Variants in ANKRD30BL observed in about 807,000 individuals in gnomAD.
ANKRD30BL encodes the protein putative ankyrin repeat domain-containing protein 30B-like.
Under a neutral mutation model 18.4 loss-of-function variants are expected in ANKRD30BL, and 20 were observed. The ratio of observed to expected loss-of-function variants is 1.09; its 90% CI spans 0.77 to 1.58. ANKRD30BL has a LOEUF of 1.58. ANKRD30BL is among the 40% of genes most tolerant of loss of function. The pLI is 0.00. For missense variants in ANKRD30BL, 224 were observed against 268.6 expected (o/e 0.83, Z 1.16); for synonymous variants, 72 against 100.9 (o/e 0.71, Z 1.72).
intron 1 of ANKRD30BL, among the ~76,000 whole-genome samples, chr2:132,240,736 A>G (rs1033937187): frequency 2.6e-4 from 39 of 151,502 alleles, no homozygotes; most frequent in African/African-American, 8.9e-4. Flanking sequence ...AGAGTTGAAC[A>G]TTACCTTTCA....
chr2:132,173,114 A>T (rs1194253696), intron 1 of ANKRD30BL, among the ~76,000 whole-genome samples: 10 of 152,102 alleles, frequency 6.6e-5, no homozygotes, highest in Admixed American at 6.5e-4. Context: ...TGCTAAATCT[A>T]ACATAAAGAA....
intron 1 of ANKRD30BL, among the ~76,000 whole-genome samples, chr2:132,211,522 G>C (rs986314091): frequency 4.6e-5 from 7 of 151,984 alleles, no homozygotes; most frequent in African/African-American, 7.2e-5. Context: ...TCTGCAAAAG[G>C]ATATTTGGAG....
At chr2:132,164,269 C>CTTTTTTTTTT (rs796313755), upstream of ANKRD30BL, among the ~76,000 whole-genome samples, 9 of 112,208 alleles carry the variant, frequency 8.0e-5, no homozygotes, top group East Asian at 8.0e-4. Flanking sequence ...TTTTCTTTTT[C>CTTTTTTTTTT]TTTTTTTTTT....
Position 132,196,414 on chromosome 2 carries a change from C to T in ANKRD30BL, n.442-39268G>A, listed in dbSNP as rs1678970684. Among the ~76,000 whole-genome samples the T allele has an allele frequency of 2.0e-5, 3 of 151,908 alleles. No homozygotes were observed. The South Asian group carries it at 6.2e-4, about 32-fold the overall frequency. On this transcript the variant is annotated intron_variant and non_coding_transcript_variant, in intron 1 of 4. Coordinates refer to the ANKRD30BL transcript ENST00000470729. Reference sequence around the variant, plus strand: ...GCAGTGAGCAGAGATCACGCCATTGCACTCTGACCGGGGCAACAGAGTAAG... The same window carrying T: ...GCAGTGAGCAGAGATCACGCCATTGTACTCTGACCGGGGCAACAGAGTAAG...
chr2:132,162,134 T>C (rs13409905), upstream of ANKRD30BL, among the ~76,000 whole-genome samples: 55,680 of 150,704 alleles, frequency 0.37, 11,026 homozygotes, highest in African/African-American at 0.51. Flanking sequence ...TTGACAGAGC[T>C]GCCCCTGTCC....
At chr2:132,194,137 C>T (rs186781169) in intron 1 of ANKRD30BL, among the ~76,000 whole-genome samples, 27 of 152,228 alleles carry the variant, frequency 1.8e-4, no homozygotes, top group East Asian at 1.2e-3. Context: ...CCCCCTCACA[C>T]GACTGGGCAT....
At chr2:132,229,085 A>T (rs1452800259) in intron 1 of ANKRD30BL, among the ~76,000 whole-genome samples, 1 of 152,064 alleles carries the variant, frequency 6.6e-6, no homozygotes, top group Non-Finnish European at 1.5e-5. Flanking sequence ...AAGGGCGTTC[A>T]GGCCTATGGT....
intron 1 of ANKRD30BL, among the ~76,000 whole-genome samples, chr2:132,212,475 A>G (rs1679381619): frequency 6.6e-6 from 1 of 151,918 alleles, no homozygotes; most frequent in South Asian, 2.1e-4. Context: ...ATTTCTTCAC[A>G]TAAAAACTGT....
intron 1 of ANKRD30BL, among the ~76,000 whole-genome samples, chr2:132,216,984 C>G (rs1303324957): frequency 6.6e-6 from 1 of 152,226 alleles, no homozygotes; most frequent in Admixed American, 6.6e-5. Flanking sequence ...ATTCAACTCA[C>G]AGAGTTGAAC....
At chr2:132,212,053 C>A (rs1201120436) in intron 1 of ANKRD30BL, among the ~76,000 whole-genome samples, 1 of 150,156 alleles carries the variant, frequency 6.7e-6, no homozygotes, top group African/African-American at 2.4e-5. Context: ...TAACGCTTGG[C>A]AGCCTATGGT....
At chr2:132,256,977 C>T (rs1416760616) in intron 1 of ANKRD30BL, 3 of 513,048 alleles carry the variant, frequency 5.8e-6, no homozygotes, top group African/African-American at 5.8e-5. Flanking sequence ...AAACCTCAGG[C>T]ACGGCCGGGC....
chr2:132,217,326 C>G (rs796705095), intron 1 of ANKRD30BL, among the ~76,000 whole-genome samples: 6 of 152,054 alleles, frequency 3.9e-5, no homozygotes, highest in African/African-American at 1.4e-4. Context: ...ATTCACCTCA[C>G]AGAATTGAAC....
chr2:132,234,206 T>C (rs1484873945), intron 1 of ANKRD30BL, among the ~76,000 whole-genome samples: 2 of 152,146 alleles, frequency 1.3e-5, no homozygotes, highest in Admixed American at 6.6e-5. Context: ...GGGAAATTTA[T>C]AGCACTAAAT....
At chr2:132,162,897 T>C (rs1688111274), upstream of ANKRD30BL, among the ~76,000 whole-genome samples, 1 of 152,214 alleles carries the variant, frequency 6.6e-6, no homozygotes, top group South Asian at 2.1e-4. Context: ...TATTTGCCTG[T>C]GCGCCAAGTG....
chr2:132,197,956 A>G (rs1678998418), intron 1 of ANKRD30BL, among the ~76,000 whole-genome samples: 1 of 151,906 alleles, frequency 6.6e-6, no homozygotes, highest in Admixed American at 6.6e-5. Context: ...AATGAAAGAA[A>G]TACCATTGTG....
chr2:132,173,522 T>A (rs1688316303), intron 1 of ANKRD30BL, among the ~76,000 whole-genome samples: 1 of 151,892 alleles, frequency 6.6e-6, no homozygotes, highest in African/African-American at 2.4e-5. Flanking sequence ...TGGTCTCGAT[T>A]TCCTCACCTC....
intron 1 of ANKRD30BL, among the ~76,000 whole-genome samples, chr2:132,201,617 G>A (rs938443120): frequency 1.3e-5 from 2 of 152,096 alleles, no homozygotes; most frequent in East Asian, 3.9e-4. Flanking sequence ...AGTTAGAATG[G>A]CAATCATTAA....
At chr2:132,223,747 T>C (rs1679762383) in intron 1 of ANKRD30BL, among the ~76,000 whole-genome samples, 1 of 152,066 alleles carries the variant, frequency 6.6e-6, no homozygotes. Flanking sequence ...AATCTGCAAG[T>C]GGACATTTGG....
At chr2:132,213,200 C>A (rs113150667) in intron 1 of ANKRD30BL, among the ~76,000 whole-genome samples, 1,779 of 151,566 alleles carry the variant, frequency 0.012, 33 homozygotes, top group African/African-American at 0.041. Flanking sequence ...GTGATGCGTG[C>A]ATTCATCACA....
Sources: gnomAD v4.1 joint callset for allele counts (sites outside exome capture counted in the v4.1 genomes callset) on GRCh38, gnomAD v4.1.1 for gene constraint, MANE v1.5 for transcripts, NCBI Gene and HGNC (gene_info 2026-07-23, HGNC 2026-07-21) for gene names.